Variants in NLRP12 observed in about 807,000 individuals in gnomAD.
The protein encoded by NLRP12 is NLR family pyrin domain containing 12, also known as NACHT, LRR and PYD domains-containing protein 12.
Under a neutral mutation model 91.2 loss-of-function variants are expected in NLRP12, and 108 were observed. That is an observed-to-expected ratio of 1.18 (90% confidence interval 1.01 to 1.39). The LOEUF (loss-of-function observed/expected upper bound fraction) is 1.39, where lower values mean the gene tolerates loss of function less well. Ranked by LOEUF, NLRP12 falls within the 40% of genes most tolerant of loss-of-function variation. The pLI, the probability that NLRP12 is intolerant of heterozygous loss-of-function variation, is 0.00. For synonymous variants in NLRP12, 613 were observed against 566.7 expected (o/e 1.08, Z -1.16); for missense variants, 1,530 against 1,352.7 (o/e 1.13, Z -2.06).
In NLRP12 at chr19:53,810,508, G is replaced by A. The variant is rs1006682366; in HGVS notation, c.1151C>T (p.Ala384Val). ...FYKYFHNAEQ[A>V]GQVFNYVRDN... is the part of the protein sequence containing the mutation. ...CCTCACGTAATTGAAGACTTGGCCCGCCTGCTCTGCATTGTGGAAATACTT... is the reference window on the plus strand; with the variant it reads ...CCTCACGTAATTGAAGACTTGGCCCACCTGCTCTGCATTGTGGAAATACTT... The change falls in exon 3 of 10, where the codon GCG becomes GTG. Residue 384 changes from alanine to valine, a missense_variant. Ala to Val is a moderately conservative substitution (Grantham distance 64). Transcript: ENST00000324134. 12 of 1,614,058 alleles carry A rather than the reference G, an allele frequency of 7.4e-6. No individual in the cohort carries two copies. Among genetic ancestry groups the A allele is most frequent in the East Asian group, 4.5e-5 (2 of 44,876 alleles).
rs142973794 is a variant in NLRP12 at position 53,797,137 on chromosome 19, A to AT, written c.2927+1105dup. Among the ~76,000 whole-genome samples the AT allele has an allele frequency of 8.0e-5, 12 of 150,738 alleles. No individual in the cohort carries two copies. The East Asian group carries it at 1.4e-3, about 17-fold the overall frequency. ...TTACAGAGCACCAGATTGAATTATT[A>AT]TTTTTTTTTCTCGAGATGGAGTCTT... On this transcript the variant is annotated intron_variant, in intron 8 of 9. Transcript: ENST00000324134.
At position 53,809,757 on chromosome 19, in the gene NLRP12, C is replaced by G. The variant is rs1316109066; in HGVS notation, c.1902G>C (p.Gln634His). Residue 634 changes from glutamine (Q) to histidine (H), a missense_variant, in exon 3 of 10, where the codon CAG (glutamine) becomes CAC (histidine). Physicochemically the swap from Gln to His is conservative, Grantham distance 24 (BLOSUM62 0). Transcript: ENST00000324134. The stretch of plus-strand genomic sequence containing the variant: ...AGGCAATGTTGCTGACCACGATCAC[C>G]TGGAAGTGGCTCAGGGCCTGCTGGA... ...EFIQQALSHFQVIVVSNIASK... is the reference protein window; with the variant it reads ...EFIQQALSHFHVIVVSNIASK... 6.2e-7 allele frequency: 1 copy of G among 1,614,186 alleles called. No homozygotes were observed. Among genetic ancestry groups the G allele is most frequent in the Non-Finnish European group, 8.5e-7 (1 of 1,180,036 alleles).
chr19:53,810,592 TGCTCCAGCAGACGG>T lies in NLRP12; in HGVS notation c.1053_1066del (p.His351GlnfsTer12). 1 of 1,613,966 alleles carries T rather than the reference TGCTCCAGCAGACGG, an allele frequency of 6.2e-7. No homozygotes were observed. On this transcript the variant is annotated frameshift_variant, in exon 3 of 10. Coordinates refer to ENST00000324134, the MANE Select transcript of NLRP12 (RefSeq NM_144687.4). LOFTEE classifies it high-confidence loss of function. Reference sequence around the variant, plus strand: ...GCCCAGGATCTCCACATGCCTGGGGTGCTCCAGCAGACGGTGGAGCTTCTCCAAAGCCGTGGGCC... The same window carrying T: ...GCCCAGGATCTCCACATGCCTGGGGTTGGAGCTTCTCCAAAGCCGTGGGCC...
rs1352321453 is a variant in NLRP12, at chr19:53,811,276, G to A, written c.383C>T (p.Thr128Ile). The A allele has an allele frequency of 6.2e-7, 1 of 1,613,774 alleles. No individual in the cohort carries two copies. The highest frequency in any genetic ancestry group is 8.5e-7 in the Non-Finnish European group (1 of 1,180,028). ...TTTCCTGCGGACATAGTCCCTGTAG[G>A]TTTCCTGGGGATCTAGGGGAGAGGA... The part of the protein sequence containing the change: ...LVTPRKDPQE[T>I]YRDYVRRKFR... Residue 128 changes from threonine to isoleucine, a missense_variant, in exon 3 of 10, where the codon ACC (threonine) becomes ATC (isoleucine). Thr to Ile is a moderately conservative substitution (Grantham distance 89). Coordinates refer to ENST00000324134, the MANE Select transcript of NLRP12 (RefSeq NM_144687.4).
chr19:53,794,703 G>C (rs1313607736), intron 9 of NLRP12, among the ~76,000 whole-genome samples: 1 of 147,770 alleles, frequency 6.8e-6, no homozygotes, highest in East Asian at 2.0e-4. Flanking sequence ...GTCTTGCTCT[G>C]TTGCCCAGGC....
intron 9 of NLRP12, among the ~76,000 whole-genome samples, chr19:53,795,028 C>G (rs547469946): frequency 8.7e-4 from 132 of 152,026 alleles, no homozygotes; most frequent in African/African-American, 3.1e-3. Context: ...GCCTTGAACT[C>G]CTGAGCTCAA....
chr19:53,796,193 A>C lies in NLRP12; in HGVS notation c.2928-164T>G, dbSNP rs192267079. 8.7e-6 allele frequency: 6 copies of C among 691,698 alleles called. No individual in the cohort carries two copies. In the East Asian group the frequency reaches 1.7e-4, roughly 19 times the overall value. The allele number at this position is 691,698 out of a possible 1,614,324, so 42.8% of individuals were successfully genotyped here. A position where few individuals can be genotyped will look rare whatever the true frequency, so the allele number is the denominator to read the frequency against. ...GCGATTCTCCTGCCTCAGCCTCCTG[A>C]GTAGCTGGGATTACAGGTGTGCACC... On this transcript the variant is annotated intron_variant, in intron 8 of 9. Transcript: ENST00000324134.
chr19:53,812,007 T>G (rs1038554238), intron 2 of NLRP12, among the ~76,000 whole-genome samples: 1 of 151,858 alleles, frequency 6.6e-6, no homozygotes, highest in African/African-American at 2.4e-5. Context: ...GAGGTCCAGG[T>G]GGGAGGATCG....
intron 8 of NLRP12, 76 bp downstream of exon 8, chr19:53,798,167 A>G: frequency 1.4e-6 from 2 of 1,473,832 alleles, no homozygotes; most frequent in Admixed American, 3.3e-5. Flanking sequence ...GTTCATAAAT[A>G]GAAAAATGAA....
rs781361326 is a variant in NLRP12 at position 53,809,707 on chromosome 19, G to T, written c.1952C>A (p.Ser651Ter). Reference sequence around the variant, plus strand: ...GCTCCTGCAGCGCTTCAGACAGAACGAGGAGACCATGTGCTCCATCTTGGA... The same window carrying T: ...GCTCCTGCAGCGCTTCAGACAGAACTAGGAGACCATGTGCTCCATCTTGGA... ...IASKMEHMVS[S>*]FCLKRCRSAQ... Residue 651 changes from serine to a stop codon, truncating the protein, a stop_gained, in exon 3 of 10, where the codon TCG becomes TAG. Coordinates refer to ENST00000324134, the MANE Select transcript of NLRP12 (RefSeq NM_144687.4). LOFTEE classifies it high-confidence loss of function. 15 of 1,613,984 alleles carry T rather than the reference G, an allele frequency of 9.3e-6. No homozygotes were observed. The South Asian group carries it at 1.4e-4, about 15-fold the overall frequency.
intron 9 of NLRP12, among the ~76,000 whole-genome samples, chr19:53,795,107 C>CTGTGTGTGTGTGTGTGTGT (rs1555792119): frequency 3.5e-5 from 3 of 85,444 alleles, no homozygotes; most frequent in African/African-American, 1.4e-4. Flanking sequence ...CTGGTGTGTG[C>CTGTGTGTGTGTGTGTGTGT]GTGTGTGTGT....
intron 1 of NLRP12, among the ~76,000 whole-genome samples, chr19:53,823,498 A>AAATATATAT (rs1568703260): frequency 3.5e-5 from 2 of 56,806 alleles, no homozygotes; most frequent in Non-Finnish European, 6.7e-5. Context: ...AAATATATTT[A>AAATATATAT]TTTAAAATAT....
chr19:53,823,340 A>G (rs1391942996), intron 1 of NLRP12, among the ~76,000 whole-genome samples: 1 of 137,508 alleles, frequency 7.3e-6, no homozygotes, highest in Non-Finnish European at 1.5e-5. Flanking sequence ...ATATTTATAT[A>G]TAATATATAC....
intron 6 of NLRP12, among the ~76,000 whole-genome samples, chr19:53,801,706 C>G (rs1039956466): frequency 6.6e-6 from 1 of 151,842 alleles, no homozygotes; most frequent in Non-Finnish European, 1.5e-5. Context: ...ATGCCTGCCT[C>G]AGCCTCCCAA....
chr19:53,797,063 C>T (rs1238236554), intron 8 of NLRP12, among the ~76,000 whole-genome samples: 2 of 152,060 alleles, frequency 1.3e-5, no homozygotes, highest in South Asian at 2.1e-4. Flanking sequence ...CTACAGCTGG[C>T]CTGGCAGAAA....
chr19:53,816,888 GA>G (rs1191489133), intron 1 of NLRP12, among the ~76,000 whole-genome samples: 1 of 151,972 alleles, frequency 6.6e-6, no homozygotes, highest in African/African-American at 2.4e-5. Flanking sequence ...GAGGAAAGGG[GA>G]AAATAGGGAA....
Position 53,811,211 on chromosome 19 carries a change from A to G in NLRP12, c.448T>C (p.Cys150Arg), listed in dbSNP as rs746324074. The G allele has an allele frequency of 6.2e-7, 1 of 1,613,950 alleles. No individual in the cohort carries two copies. Among genetic ancestry groups the G allele is most frequent in the East Asian group, 2.2e-5 (1 of 44,836 alleles). Reference sequence around the variant, plus strand: ...GTGTACCGGTGGCTGAGGTTGACACATTCCCCTAGGCGCGCATTGCGGTCT... The same window carrying G: ...GTGTACCGGTGGCTGAGGTTGACACGTTCCCCTAGGCGCGCATTGCGGTCT... ...MEDRNARLGE[C>R]VNLSHRYTRL... The change falls in exon 3 of 10, where the codon TGT (cysteine) becomes CGT (arginine). Residue 150 changes from cysteine to arginine, a missense_variant. Coordinates refer to ENST00000324134, the MANE Select transcript of NLRP12 (RefSeq NM_144687.4).
intron 2 of NLRP12, among the ~76,000 whole-genome samples, chr19:53,812,830 C>T (rs1027306586): frequency 2.6e-5 from 4 of 151,612 alleles, no homozygotes; most frequent in South Asian, 4.2e-4. Flanking sequence ...CACTTTAAAG[C>T]GTACAACTCT....
At chr19:53,813,294 CTTTTCTT>C (rs1555797308) in intron 2 of NLRP12, among the ~76,000 whole-genome samples, 1 of 106,738 alleles carries the variant, frequency 9.4e-6, no homozygotes. Context: ...TTTTTTTTTT[CTTTTCTT>C]TTTTTTTTTT....
Sources: gnomAD v4.1 joint callset for allele counts (sites outside exome capture counted in the v4.1 genomes callset) on GRCh38, gnomAD v4.1.1 for gene constraint, MANE v1.5 for transcripts, NCBI Gene and HGNC (gene_info 2026-07-23, HGNC 2026-07-21) for gene names.